SETD1A: variants seen among roughly 807,000 people sequenced by gnomAD.
SETD1A encodes the protein SET domain containing 1A, histone lysine methyltransferase.
Under a neutral mutation model 149.9 loss-of-function variants are expected in SETD1A, and 29 were observed. That is an observed-to-expected ratio of 0.19 (90% CI 0.14 to 0.26). The LOEUF is 0.26. Ranked by LOEUF, SETD1A falls within the 10% of genes least tolerant of loss-of-function variation. The pLI, the probability that SETD1A is intolerant of heterozygous loss-of-function variation, is 1.00. For synonymous variants in SETD1A, 1,141 were observed against 968.5 expected (o/e 1.18, Z -3.31); for missense variants, 2,109 against 2,353.1 (o/e 0.90, Z 2.15).
chr16:30,965,681 C>G lies in SETD1A; in HGVS notation c.1800C>G (p.Pro600=), dbSNP rs1469589730. The change falls in exon 8 of 19, where the codon CCC becomes CCG. Residue 600 remains proline (P), a synonymous_variant. Transcript: ENST00000262519. ...RGGSPPPAPT[P]PQQPPPPPPP... ...GCTCACCCCCTCCGGCCCCGACGCCCCCTCAGCAGCCTCCGCCACCTCCCC... is the reference window on the plus strand; with the variant it reads ...GCTCACCCCCTCCGGCCCCGACGCCGCCTCAGCAGCCTCCGCCACCTCCCC... The G allele has an allele frequency of 9.3e-6, 15 of 1,607,712 alleles. No individual in the cohort carries two copies. Among genetic ancestry groups the G allele is most frequent in the African/African-American group, 1.4e-5 (1 of 74,064 alleles).
Position 30,971,541 on chromosome 16 carries a change from C to G in SETD1A, c.3180C>G (p.Ser1060=). 6.2e-7 allele frequency: 1 copy of G among 1,613,834 alleles called. No homozygotes were observed. Among genetic ancestry groups the G allele is most frequent in the Non-Finnish European group, 8.5e-7 (1 of 1,179,842 alleles). Residue 1060 remains serine (S), a synonymous_variant, in exon 13 of 19, where the codon TCC becomes TCG. Coordinates refer to ENST00000262519, the MANE Select transcript of SETD1A (RefSeq NM_014712.3). ...SSSSSSSSSE[S]SSEDEEEEER... is the part of the protein sequence containing the mutation. ...CCTCGTCCTCTTCATCCTCTGAGTC[C>G]TCCTCTGAAGATGAAGAGGAAGAGG...
In SETD1A at chr16:30,984,360, A is replaced by C; in HGVS notation, c.*337A>C. 7.6e-6 allele frequency: 2 copies of C among 264,356 alleles called. No individual in the cohort carries two copies. The highest frequency in any genetic ancestry group is 7.3e-6 in the Non-Finnish European group (1 of 137,100). 16.4% of individuals were successfully genotyped at this position (264,356 alleles called of 1,614,324 possible). ...TACACAGTCCTCTTGCTTTGTGTTA[A>C]TGGGGACTTCCCCTTACGCCCTGCG... On this transcript the variant is annotated 3_prime_UTR_variant, in exon 19 of 19. Coordinates refer to ENST00000262519, the MANE Select transcript of SETD1A (RefSeq NM_014712.3).
In SETD1A at chr16:30,964,827, C is replaced by G; in HGVS notation, c.1085C>G (p.Ser362Cys). 1 of 1,614,190 alleles carries G rather than the reference C, an allele frequency of 6.2e-7. No homozygotes were observed. The highest frequency in any genetic ancestry group is 8.5e-7 in the Non-Finnish European group (1 of 1,180,028). Reference sequence around the variant, plus strand: ...TCCTCGTCCTCTCAGTTTCGTAGTTCTGATGCAAACTACCCAGCGTATTAT... The same window carrying G: ...TCCTCGTCCTCTCAGTTTCGTAGTTGTGATGCAAACTACCCAGCGTATTAT... The part of the protein sequence containing the change: ...SSSSSSQFRS[S>C]DANYPAYYES... The change falls in exon 7 of 19, where the codon TCT becomes TGT. Residue 362 changes from serine to cysteine, a missense_variant. By Grantham distance (112) the Ser-to-Cys change is moderately radical. Transcript: ENST00000262519.
chr16:30,963,149 A>T (rs554120838), intron 4 of SETD1A, among the ~76,000 whole-genome samples: 2 of 151,560 alleles, frequency 1.3e-5, no homozygotes, highest in African/African-American at 4.9e-5. Context: ...AAGCCTCTAG[A>T]ACAGAGGTAC....
chr16:30,961,149 T>TG lies in SETD1A; in HGVS notation c.247-117dup. On this transcript the variant is annotated intron_variant, in intron 3 of 18. Transcript: ENST00000262519. The surrounding 1 kb of genome is among the most constrained non-coding windows in gnomAD (Gnocchi z 4.0). ...ATCCCTTATTTTGGGCCCCTTCCCT[T>TG]GCCCCTCACTTTCCCGGATCTCTCT... 9.6e-7 allele frequency: 1 copy of TG among 1,039,194 alleles called. No homozygotes were observed. Among genetic ancestry groups the TG allele is most frequent in the South Asian group, 1.4e-5 (1 of 70,610 alleles). The allele number at this position is 1,039,194 out of a possible 1,614,324, so 64.4% of individuals were successfully genotyped here. A position where few individuals can be genotyped will look rare whatever the true frequency, so the allele number is the denominator to read the frequency against.
chr16:30,963,305 A>G, intron 4 of SETD1A, 128 bp from the exon 5 acceptor site: 2 of 793,414 alleles, frequency 2.5e-6, no homozygotes, highest in Middle Eastern at 2.6e-4. Context: ...ATGGTAGGAG[A>G]ACTGAAATCC....
chr16:30,963,333 G>A, intron 4 of SETD1A, 100 bp from the exon 5 acceptor site: 3 of 1,198,214 alleles, frequency 2.5e-6, no homozygotes, highest in Non-Finnish European at 3.4e-6. Flanking sequence ...CAGATTCCAA[G>A]AAATTGTAGG....
At position 30,965,098 on chromosome 16, in the gene SETD1A, G is replaced by A. The variant is rs2056119911; in HGVS notation, c.1356G>A (p.Glu452=). Residue 452 remains glutamate (E), a synonymous_variant, in exon 7 of 19, where the codon GAG becomes GAA. Coordinates refer to ENST00000262519, the MANE Select transcript of SETD1A (RefSeq NM_014712.3). ...GGGGGGGPSP[E]REEVRTSPRP... is the part of the protein sequence containing the mutation. ...GGGGTGGAGGAGGGCCCAGCCCTGA[G>A]AGAGAAGAAGTTCGGACTTCCCCCC... is the stretch of plus-strand genomic sequence containing the variant. 2 of 1,611,432 alleles carry A rather than the reference G, an allele frequency of 1.2e-6. No individual in the cohort carries two copies. Among genetic ancestry groups the A allele is most frequent in the South Asian group, 2.2e-5 (2 of 91,056 alleles).
chr16:30,963,372 C>A, intron 4 of SETD1A, 61 bp from the exon 5 acceptor site: 1 of 1,466,224 alleles, frequency 6.8e-7, no homozygotes, highest in Non-Finnish European at 9.1e-7. Flanking sequence ...AGCAGGAATA[C>A]CAGATCAGGA....
At chr16:30,978,521 A>G (rs573712929) in intron 13 of SETD1A, among the ~76,000 whole-genome samples, 1 of 152,106 alleles carries the variant, frequency 6.6e-6, no homozygotes, top group East Asian at 1.9e-4. Context: ...GCATCCTGGG[A>G]TCTCCACTCC....
At position 30,979,822 on chromosome 16, in the gene SETD1A, G is replaced by A; in HGVS notation, c.4036G>A (p.Ala1346Thr). Residue 1346 changes from alanine to threonine, a missense_variant, in exon 14 of 19, where the codon GCG becomes ACG. Coordinates refer to ENST00000262519, the MANE Select transcript of SETD1A (RefSeq NM_014712.3). The part of the protein sequence containing the change: ...LEAPEVVVAE[A>T]EEPKPQQLQQ... ...GGCCCCCGAGGTGGTGGTGGCTGAG[G>A]CGGAGGAGCCCAAGCCGCAGCAACT... The A allele has an allele frequency of 6.4e-7, 1 of 1,559,328 alleles. No homozygotes were observed.
At chr16:30,964,477 C>G in intron 6 of SETD1A, 135 bp from the exon 7 acceptor site, 3 of 1,457,920 alleles carry the variant, frequency 2.1e-6, no homozygotes, top group South Asian at 1.3e-5. Flanking sequence ...CCTCGGGGAA[C>G]ACACTAGCTA....
At position 30,980,248 on chromosome 16, in the gene SETD1A, C is replaced by T; in HGVS notation, c.4408+54C>T. On this transcript the variant is annotated intron_variant, in intron 14 of 18. Transcript: ENST00000262519. This position sits in a 1 kb window ranked among gnomAD's most constrained non-coding sequence, Gnocchi z 7.7. ...GGCTTGGGTCCTCCCCCGACCCCTC[C>T]AGGCACCTGCATCTGTGCCCCACTC... is the stretch of plus-strand genomic sequence containing the variant. 1 of 1,529,442 alleles carries T rather than the reference C, an allele frequency of 6.5e-7. No homozygotes were observed. The highest frequency in any genetic ancestry group is 1.4e-5 in the African/African-American group (1 of 72,726). The allele number at this position is 1,529,442 out of a possible 1,614,324, so 94.7% of individuals were successfully genotyped here.
At chr16:30,970,288 G>A (rs2056208843) in intron 12 of SETD1A, among the ~76,000 whole-genome samples, 1 of 128,968 alleles carries the variant, frequency 7.8e-6, no homozygotes, top group African/African-American at 2.9e-5. Context: ...TTTTTTTTGA[G>A]ACAGAGTCTC....
At chr16:30,958,606 T>G in intron 1 of SETD1A, 111 bp from the exon 2 acceptor site, 1 of 915,490 alleles carries the variant, frequency 1.1e-6, no homozygotes. Context: ...GGGTGAGGGT[T>G]GGAAACTGGA....
chr16:30,958,922 G>A, intron 2 of SETD1A, 41 bp downstream of exon 2: 1 of 1,611,100 alleles, frequency 6.2e-7, no homozygotes, highest in Non-Finnish European at 8.5e-7. Flanking sequence ...GGGAGCTCCA[G>A]GCGCCCGTCC....
Position 30,961,684 on chromosome 16 carries a change from G to C in SETD1A, c.517+147G>C. The C allele has an allele frequency of 1.3e-6, 1 of 743,410 alleles. No individual in the cohort carries two copies. The highest frequency in any genetic ancestry group is 2.2e-6 in the Non-Finnish European group (1 of 461,188). 46.1% of individuals were successfully genotyped at this position (743,410 alleles called of 1,614,324 possible). ...TTCTGAAATCAGATCAGATTTTAGA[G>C]TGGAATTATGGTACATGGATTTTTG... On this transcript the variant is annotated intron_variant, in intron 4 of 18. Coordinates refer to ENST00000262519, the MANE Select transcript of SETD1A (RefSeq NM_014712.3). This position sits in a 1 kb window ranked among gnomAD's most constrained non-coding sequence, Gnocchi z 4.0.
rs557095006 is a variant in SETD1A, at chr16:30,979,984, C to T, written c.4198C>T (p.Arg1400Cys). ...GCGCAGCCTCCGCTCCCACGCCCGG[C>T]GCCGCCGCCCTCCGCCCCCACCCCC... ...RRRSLRSHAR[R>C]RRPPPPPPPP... The change falls in exon 14 of 19, where the codon CGC becomes TGC. Residue 1400 changes from arginine (R) to cysteine (C), a missense_variant. Arg to Cys is a radical substitution (Grantham distance 180). Transcript: ENST00000262519. The T allele has an allele frequency of 4.1e-3, 6,117 of 1,501,556 alleles. 240 individuals are homozygous for T. The South Asian group carries it at 0.071, about 18-fold the overall frequency. 93.0% of individuals were successfully genotyped at this position (1,501,556 alleles called of 1,614,324 possible).
chr16:30,966,980 A>G lies in SETD1A; in HGVS notation c.2602A>G (p.Lys868Glu). Reference protein sequence around the residue: ...PGLLSLVDWAKSGGTTGIEAF... With the variant: ...PGLLSLVDWAESGGTTGIEAF... The stretch of plus-strand genomic sequence containing the variant: ...CCTGCTGTCCCTCGTGGACTGGGCC[A>G]AGAGCGGGGGCACTACGGGCATCGA... Residue 868 changes from lysine to glutamate, a missense_variant, in exon 9 of 19, where the codon AAG becomes GAG. This residue lies in a region of SETD1A where 832 missense variants were observed against 815.6 expected (regional missense o/e 1.02). Coordinates refer to ENST00000262519, the MANE Select transcript of SETD1A (RefSeq NM_014712.3). 6.3e-7 allele frequency: 1 copy of G among 1,593,966 alleles called. No homozygotes were observed. Among genetic ancestry groups the G allele is most frequent in the Non-Finnish European group, 8.5e-7 (1 of 1,170,946 alleles).
Sources: gnomAD v4.1 joint callset for allele counts (sites outside exome capture counted in the v4.1 genomes callset) on GRCh38, gnomAD v4.1.1 for gene constraint, gnomAD v4.1.1 regional missense constraint, Gnocchi (gnomAD v3.1) non-coding constraint, MANE v1.5 for transcripts, NCBI Gene and HGNC (gene_info 2026-07-23, HGNC 2026-07-21) for gene names.